NBEA: variants seen among roughly 807,000 people sequenced by gnomAD.
NBEA encodes the protein neurobeachin, also known as lysosomal-trafficking regulator 2.
In NBEA, 44 loss-of-function variants were observed where a neutral mutation model predicts 343.4. The ratio of observed to expected loss-of-function variants is 0.13; its 90% CI spans 0.10 to 0.16. NBEA has a LOEUF of 0.16. NBEA is among the 10% of genes least tolerant of loss of function. The pLI, the probability that NBEA is intolerant of heterozygous loss-of-function variation, is 1.00. For synonymous variants in NBEA, 1,175 were observed against 1,238.7 expected, an observed-to-expected ratio of 0.95 and a Z score of 1.08; for missense variants, 2,555 against 3,631.3, an observed-to-expected ratio of 0.70 and a Z score of 7.62.
intron 1 of NBEA, among the ~76,000 whole-genome samples, chr13:35,006,657 C>T (rs2061328829): frequency 6.6e-6 from 1 of 152,128 alleles, no homozygotes; most frequent in Admixed American, 6.5e-5. Flanking sequence ...TTTACAGTCT[C>T]TTTTTCTTTC....
At chr13:35,593,847 T>G (rs78374323) in intron 47 of NBEA, among the ~76,000 whole-genome samples, 10,198 of 152,082 alleles carry the variant, frequency 0.067, 388 homozygotes, top group South Asian at 0.088. Flanking sequence ...CTGGGGCAAT[T>G]AATAAAGCAT....
chr13:34,959,001 T>C (rs2059580242), intron 1 of NBEA, among the ~76,000 whole-genome samples: 1 of 152,130 alleles, frequency 6.6e-6, no homozygotes, highest in Non-Finnish European at 1.5e-5. Flanking sequence ...AGGAATTGTT[T>C]TTTTCCTTCC....
In NBEA at chr13:35,545,049, C is replaced by G. The variant is rs183777250; in HGVS notation, c.6586-5428C>G. On this transcript the variant is annotated intron_variant, in intron 41 of 58. Coordinates refer to ENST00000379939, the MANE Select transcript of NBEA (RefSeq NM_001385012.1). ...TTAAATGACAGAAAAATATCTTGGA[C>G]TATAATAAAAAGCAAACTGAAAGAA... 1.4e-4 allele frequency among the ~76,000 whole-genome samples: 21 copies of G among 152,188 alleles called. 1 individual carries two copies. The highest frequency in any genetic ancestry group is 2.8e-4 in the Non-Finnish European group (19 of 68,004).
intron 10 of NBEA, among the ~76,000 whole-genome samples, chr13:35,082,487 C>T (rs7981204): frequency 0.028 from 4,206 of 152,254 alleles, 85 homozygotes; most frequent in South Asian, 0.075. Flanking sequence ...CCTGAGGAAT[C>T]GCCACACTGA....
intron 18 of NBEA, among the ~76,000 whole-genome samples, chr13:35,150,254 T>G (rs1188139283): frequency 6.6e-6 from 1 of 152,244 alleles, no homozygotes; most frequent in African/African-American, 2.4e-5. Context: ...GAAAAGTTAA[T>G]GTAAGTGTAC....
At chr13:35,329,222 A>G (rs1466296453) in intron 36 of NBEA, among the ~76,000 whole-genome samples, 2 of 151,984 alleles carry the variant, frequency 1.3e-5, no homozygotes, top group Admixed American at 6.6e-5. Flanking sequence ...AGCCACGGGA[A>G]CACTTATACC....
intron 1 of NBEA, among the ~76,000 whole-genome samples, chr13:35,036,736 A>T (rs1487230588): frequency 6.6e-6 from 1 of 152,080 alleles, no homozygotes; most frequent in East Asian, 1.9e-4. Context: ...GTCTCCTGGC[A>T]TATATGGTTT....
At chr13:35,412,203 G>A (rs1366446323) in intron 38 of NBEA, among the ~76,000 whole-genome samples, 1 of 152,130 alleles carries the variant, frequency 6.6e-6, no homozygotes, top group Non-Finnish European at 1.5e-5. Flanking sequence ...GAGATTTTGT[G>A]TGTGTGCACA....
At chr13:35,507,379 T>C (rs372275987) in intron 41 of NBEA, among the ~76,000 whole-genome samples, 2 of 152,198 alleles carry the variant, frequency 1.3e-5, no homozygotes, top group Admixed American at 6.5e-5. Flanking sequence ...TACTGAAAAC[T>C]CCAAAATTTC....
At chr13:35,452,718 C>A (rs1435368639) in intron 40 of NBEA, among the ~76,000 whole-genome samples, 1 of 152,190 alleles carries the variant, frequency 6.6e-6, no homozygotes, top group Non-Finnish European at 1.5e-5. Flanking sequence ...AGCAGATATT[C>A]TTTCCCCTAC....
At chr13:35,249,038 A>G (rs541659379) in intron 34 of NBEA, among the ~76,000 whole-genome samples, 1 of 151,730 alleles carries the variant, frequency 6.6e-6, no homozygotes, top group East Asian at 1.9e-4. Flanking sequence ...AATCCCAGCT[A>G]CTCAGGAGGC....
At chr13:35,213,673 G>T (rs919076742) in intron 33 of NBEA, among the ~76,000 whole-genome samples, 1 of 146,676 alleles carries the variant, frequency 6.8e-6, no homozygotes, top group Non-Finnish European at 1.5e-5. Flanking sequence ...TTTCTAAATT[G>T]ATTTATTCTT....
chr13:35,164,279 T>C, intron 23 of NBEA, 77 bp from the exon 24 acceptor site: 2 of 1,284,070 alleles, frequency 1.6e-6, no homozygotes, highest in Non-Finnish European at 2.1e-6. Context: ...CTATAATTTT[T>C]CACTTGTTAT....
chr13:35,665,834 G>T (rs1037018533), intron 56 of NBEA, among the ~76,000 whole-genome samples: 61 of 152,216 alleles, frequency 4.0e-4, no homozygotes, highest in African/African-American at 1.4e-3. Context: ...CACCATGTTG[G>T]CCAGGCTGGT....
intron 31 of NBEA, among the ~76,000 whole-genome samples, chr13:35,199,423 G>A (rs774612094): frequency 1.3e-5 from 2 of 152,022 alleles, no homozygotes; most frequent in Admixed American, 6.6e-5. Context: ...TACCAATAAC[G>A]TGTTTTTCAT....
At chr13:35,200,177 A>G (rs549205058) in intron 31 of NBEA, among the ~76,000 whole-genome samples, 1 of 152,158 alleles carries the variant, frequency 6.6e-6, no homozygotes, top group South Asian at 2.1e-4. Flanking sequence ...GTTCTCTAAC[A>G]ATACTATCTC....
intron 41 of NBEA, among the ~76,000 whole-genome samples, chr13:35,508,416 T>C (rs1467329470): frequency 6.6e-6 from 1 of 152,208 alleles, no homozygotes; most frequent in Non-Finnish European, 1.5e-5. Context: ...GATTTACTTT[T>C]CTAATTAATG....
At chr13:35,583,772 C>T in intron 45 of NBEA, 126 bp from the exon 46 acceptor site, 1 of 676,518 alleles carries the variant, frequency 1.5e-6, no homozygotes, top group Non-Finnish European at 2.4e-6. Context: ...AAATGTAATA[C>T]AAAATAATGT....
intron 11 of NBEA, among the ~76,000 whole-genome samples, chr13:35,101,036 C>G (rs1384740420): frequency 6.6e-6 from 1 of 151,874 alleles, no homozygotes; most frequent in Non-Finnish European, 1.5e-5. Context: ...TTTTAGAACT[C>G]CGTTCTTTTT....
Sources: gnomAD v4.1 joint callset for allele counts (sites outside exome capture counted in the v4.1 genomes callset) on GRCh38, gnomAD v4.1.1 for gene constraint, MANE v1.5 for transcripts, NCBI Gene and HGNC (gene_info 2026-07-23, HGNC 2026-07-21) for gene names.